The following WBP4 variants were observed in gnomAD, a reference collection of about 807,000 sequenced individuals.
WBP4 encodes WW domain-binding protein 4.
Under a neutral mutation model 55.4 loss-of-function variants are expected in WBP4, and 37 were observed. The ratio of observed to expected loss-of-function variants is 0.67; its 90% CI spans 0.51 to 0.88. WBP4 has a LOEUF of 0.88. Ranked by LOEUF, WBP4 falls within the 40% of genes least tolerant of loss-of-function variation. WBP4 has a pLI of 0.00. For synonymous variants in WBP4, 142 were observed against 140.2 expected (o/e 1.01, Z -0.09); for missense variants, 398 against 420.8 (o/e 0.95, Z 0.47).
intron 8 of WBP4, among the ~76,000 whole-genome samples, chr13:41,076,906 A>G (rs1878518546): frequency 6.6e-6 from 1 of 152,178 alleles, no homozygotes. Context: ...CTTCGTTGTA[A>G]TTGCCATCTC....
chr13:41,062,838 CAGA>C (rs1416817894), intron 2 of WBP4, 122 bp downstream of exon 2: 4 of 737,714 alleles, frequency 5.4e-6, no homozygotes, highest in Middle Eastern at 3.1e-4. Context: ...TTCAAAACAT[CAGA>C]AGATTTCTGT....
intron 8 of WBP4, among the ~76,000 whole-genome samples, chr13:41,079,043 T>G (rs60223575): frequency 6.6e-6 from 1 of 151,874 alleles, no homozygotes; most frequent in Non-Finnish European, 1.5e-5. Flanking sequence ...TGGGAAAAAC[T>G]GTTTGCAAAC....
At position 41,072,779 on chromosome 13, in the gene WBP4, TAGAC is replaced by T. The variant is rs775368531; in HGVS notation, c.487_490del (p.Thr163GlnfsTer2). On this transcript the variant is annotated splice_acceptor_variant and coding_sequence_variant, in exon 7 of 10. Transcript: ENST00000379487. LOFTEE classifies it high-confidence loss of function. ...TTATGCTGGGTTTTTTTCCTCCTATTAGACAGCAGTGAAGACCGTTTGGGTAGAA... is the reference window on the plus strand; with the variant it reads ...TTATGCTGGGTTTTTTTCCTCCTATTAGCAGTGAAGACCGTTTGGGTAGAA... 5.0e-6 allele frequency: 8 copies of T among 1,612,780 alleles called. No homozygotes were observed. The highest frequency in any genetic ancestry group is 1.3e-5 in the African/African-American group (1 of 74,928).
At chr13:41,076,410 C>G (rs1464246445) in intron 8 of WBP4, among the ~76,000 whole-genome samples, 173 bp downstream of exon 8, 2 of 150,782 alleles carry the variant, frequency 1.3e-5, no homozygotes, top group African/African-American at 4.9e-5. Flanking sequence ...TCCCGAGTAG[C>G]TGGGACTACA....
intron 8 of WBP4, among the ~76,000 whole-genome samples, chr13:41,079,965 A>G (rs533264800): frequency 6.6e-6 from 1 of 151,342 alleles, no homozygotes; most frequent in Non-Finnish European, 1.5e-5. Flanking sequence ...GAAATAACTC[A>G]AAGTCAAATA....
intron 5 of WBP4, among the ~76,000 whole-genome samples, chr13:41,070,088 A>G (rs1878173570): frequency 6.6e-6 from 1 of 152,224 alleles, no homozygotes; most frequent in Non-Finnish European, 1.5e-5. Context: ...TAAGCTTGAT[A>G]AAAGGAGGAA....
In WBP4 at chr13:41,062,681, G is replaced by T; in HGVS notation, c.40G>T (p.Asp14Tyr). 1.9e-6 allele frequency: 3 copies of T among 1,613,750 alleles called. No individual in the cohort carries two copies. Among genetic ancestry groups the T allele is most frequent in the Non-Finnish European group, 2.5e-6 (3 of 1,179,756 alleles). Residue 14 changes from aspartate to tyrosine, a missense_variant, in exon 2 of 10, where the codon GAT becomes TAT. Coordinates refer to ENST00000379487, the MANE Select transcript of WBP4 (RefSeq NM_007187.5). ...GAAGTCACAGCCAAAGAAATTCTGT[G>T]ATTACTGCAAGTGCTGGATAGCAGA... is the stretch of plus-strand genomic sequence containing the variant. Reference protein sequence around the residue: ...YWKSQPKKFCDYCKCWIADNR... With the variant: ...YWKSQPKKFCYYCKCWIADNR...
Position 41,080,824 on chromosome 13 carries a change from C to T in WBP4, c.920+15C>T, listed in dbSNP as rs781239620. The T allele has an allele frequency of 6.3e-7, 1 of 1,594,522 alleles. No homozygotes were observed. The highest frequency in any genetic ancestry group is 8.5e-7 in the Non-Finnish European group (1 of 1,175,100). On this transcript the variant is annotated intron_variant, in intron 9 of 9. Coordinates refer to ENST00000379487, the MANE Select transcript of WBP4 (RefSeq NM_007187.5). ...GTTGAGTCTCAGTAAGTACCTGGAG[C>T]TTTAATCCCACTGTTATTACAAGTG...
intron 8 of WBP4, among the ~76,000 whole-genome samples, chr13:41,076,532 C>T (rs574041437): frequency 1.1e-4 from 16 of 152,166 alleles, no homozygotes; most frequent in African/African-American, 3.4e-4. Flanking sequence ...CTACTTGCCT[C>T]GGCGTCCCAA....
Position 41,083,148 on chromosome 13 carries a change from G to T in WBP4, c.*234G>T. The T allele has an allele frequency of 5.3e-6, 2 of 380,448 alleles. No individual in the cohort carries two copies. The highest frequency in any genetic ancestry group is 9.5e-6 in the Non-Finnish European group (2 of 211,250). The allele number at this position is 380,448 out of a possible 1,614,324, so 23.6% of individuals were successfully genotyped here. ...GTATTATGTTCAGTGTCTAAAAACTGCTAATTAAGTCATAATTTAAGATGC... is the reference window on the plus strand; with the variant it reads ...GTATTATGTTCAGTGTCTAAAAACTTCTAATTAAGTCATAATTTAAGATGC... On this transcript the variant is annotated 3_prime_UTR_variant, in exon 10 of 10. Transcript: ENST00000379487.
Position 41,061,694 on chromosome 13 carries a change from C to T in WBP4, c.2+19C>T, listed in dbSNP as rs1211310407. ...CAGTCATGTGAGTTGGGTCTCAGGC[C>T]CTGAACAACGAGGTGTTGTTTCTCT... On this transcript the variant is annotated intron_variant, in intron 1 of 9. Transcript: ENST00000379487. The T allele has an allele frequency of 3.1e-6, 5 of 1,613,900 alleles. No homozygotes were observed. The highest frequency in any genetic ancestry group is 4.2e-6 in the Non-Finnish European group (5 of 1,180,030).
At chr13:41,062,096 G>GCT in intron 1 of WBP4, 1 of 805,568 alleles carries the variant, frequency 1.2e-6, no homozygotes, top group Non-Finnish European at 1.4e-6. Flanking sequence ...TAGCGTAATG[G>GCT]TTTTTTTTTT....
chr13:41,062,285 TTA>T, intron 1 of WBP4: 1 of 984,970 alleles, frequency 1.0e-6, no homozygotes, highest in Non-Finnish European at 1.2e-6. Context: ...AAGGCAAACT[TTA>T]TGAGTTTCTT....
chr13:41,083,017 G>T lies in WBP4; in HGVS notation c.*103G>T, dbSNP rs1878853403. On this transcript the variant is annotated 3_prime_UTR_variant, in exon 10 of 10. Coordinates refer to ENST00000379487, the MANE Select transcript of WBP4 (RefSeq NM_007187.5). ...TAAGTATTATGATGCTAAAAATTTA[G>T]ATTTATTCTAAATGTATTTGATGTG... 3 of 1,064,110 alleles carry T rather than the reference G, an allele frequency of 2.8e-6. No homozygotes were observed. Among genetic ancestry groups the T allele is most frequent in the Non-Finnish European group, 4.0e-6 (3 of 745,026 alleles). The allele number at this position is 1,064,110 out of a possible 1,614,324, so 65.9% of individuals were successfully genotyped here. A position where few individuals can be genotyped will look rare whatever the true frequency, so the allele number is the denominator to read the frequency against.
chr13:41,074,981 T>A (rs910385913), intron 7 of WBP4, among the ~76,000 whole-genome samples: 3 of 152,070 alleles, frequency 2.0e-5, no homozygotes, highest in African/African-American at 7.2e-5. Context: ...ATAAAATAAA[T>A]AAATTCTTGA....
intron 2 of WBP4, 111 bp from the exon 3 acceptor site, chr13:41,064,905 G>C (rs558635665): frequency 1.0e-6 from 1 of 988,682 alleles, no homozygotes; most frequent in Non-Finnish European, 1.4e-6. Context: ...CATCTTTTCT[G>C]CCATTCATTT....
At chr13:41,072,424 A>C (rs1878290405) in intron 6 of WBP4, among the ~76,000 whole-genome samples, 1 of 152,268 alleles carries the variant, frequency 6.6e-6, no homozygotes. Context: ...TTACAATCAT[A>C]GCAGAAGGCC....
In WBP4 at chr13:41,065,279, T is replaced by TATCC. The variant is rs1593424979; in HGVS notation, c.255_256insTCCA (p.Glu86SerfsTer51). ...CAAGAGGATTTGAAAAGACTTGGCT[T>TATCC]AGAGTCAGGTAAAAAAAAAAAAAAA... On this transcript the variant is annotated frameshift_variant, in exon 4 of 10. Transcript: ENST00000379487. LOFTEE classifies it high-confidence loss of function. 1 of 1,543,760 alleles carries TATCC rather than the reference T, an allele frequency of 6.5e-7. No homozygotes were observed.
chr13:41,066,485 T>TA (rs2138463016), intron 4 of WBP4, among the ~76,000 whole-genome samples: 1 of 152,342 alleles, frequency 6.6e-6, no homozygotes, highest in South Asian at 2.1e-4. Context: ...CCCTCAGTGA[T>TA]ATATCAAATG....
Sources: gnomAD v4.1 joint callset for allele counts (sites outside exome capture counted in the v4.1 genomes callset) on GRCh38, gnomAD v4.1.1 for gene constraint, MANE v1.5 for transcripts, NCBI Gene and HGNC (gene_info 2026-07-23, HGNC 2026-07-21) for gene names.